The following MAGI2 variants were observed in gnomAD, a reference collection of about 807,000 sequenced individuals.
MAGI2 encodes membrane-associated guanylate kinase, WW and PDZ domain-containing protein 2.
A neutral mutation model predicts 133.3 loss-of-function variants in MAGI2; 35 were observed. The ratio of observed to expected loss-of-function variants is 0.26; its 90% CI spans 0.20 to 0.35. The LOEUF (loss-of-function observed/expected upper bound fraction) is 0.35. Among genes scored for constraint, MAGI2 ranks in the 10% least tolerant of loss-of-function variants. MAGI2 has a pLI of 1.00. For missense variants in MAGI2, 1,636 were observed against 1,863.4 expected, an observed-to-expected ratio of 0.88 and a Z score of 2.25; for synonymous variants, 729 against 710.6, an observed-to-expected ratio of 1.03 and a Z score of -0.41.
chr7:78,503,460 G>A (rs1794794670), intron 4 of MAGI2, among the ~76,000 whole-genome samples: 1 of 151,738 alleles, frequency 6.6e-6, no homozygotes, highest in South Asian at 2.1e-4. Flanking sequence ...CATGGGGAAG[G>A]CTTCCCCCAT....
intron 3 of MAGI2, among the ~76,000 whole-genome samples, chr7:78,538,399 G>A (rs374027966): frequency 9.9e-5 from 15 of 152,282 alleles, no homozygotes; most frequent in African/African-American, 2.4e-4. Context: ...TGCATTGAAT[G>A]TATAGATTGC....
chr7:78,295,368 A>T lies in MAGI2; in HGVS notation c.1409-38787T>A, dbSNP rs533542397. On this transcript the variant is annotated intron_variant, in intron 9 of 21. Transcript: ENST00000354212. ...CTCTGTGCCTCTGTTTTTCTCTTAG[A>T]CTAACAGGAGAATAAACTGTAAATT... Among the ~76,000 whole-genome samples the T allele has an allele frequency of 4.6e-5, 7 of 152,250 alleles. No homozygotes were observed. In the East Asian group the frequency reaches 1.4e-3, roughly 29 times the overall value.
At chr7:78,492,834 T>C (rs150841105) in intron 5 of MAGI2, among the ~76,000 whole-genome samples, 255 of 152,298 alleles carry the variant, frequency 1.7e-3, no homozygotes, top group African/African-American at 5.8e-3. Context: ...CACATACACA[T>C]ACATAGGCTA....
intron 6 of MAGI2, among the ~76,000 whole-genome samples, chr7:78,468,305 A>C (rs1397043464): frequency 6.6e-6 from 1 of 152,142 alleles, no homozygotes; most frequent in Non-Finnish European, 1.5e-5. Flanking sequence ...CAGGGGATGC[A>C]AACTCCAGTG....
At chr7:78,898,381 T>C (rs1039796570) in intron 2 of MAGI2, among the ~76,000 whole-genome samples, 5 of 152,144 alleles carry the variant, frequency 3.3e-5, no homozygotes, top group Admixed American at 6.6e-5. Flanking sequence ...CCACTCACAT[T>C]AGTAAAGACA....
chr7:78,640,156 C>T (rs978046237), intron 2 of MAGI2, among the ~76,000 whole-genome samples: 1 of 152,072 alleles, frequency 6.6e-6, no homozygotes, highest in Non-Finnish European at 1.5e-5. Flanking sequence ...TACTGTATTT[C>T]CTTCCTGATT....
At chr7:78,876,212 A>G (rs184885253) in intron 2 of MAGI2, among the ~76,000 whole-genome samples, 1 of 150,740 alleles carries the variant, frequency 6.6e-6, no homozygotes, top group African/African-American at 2.4e-5. Context: ...AATCCCAGCT[A>G]CTCAGGAGGC....
chr7:78,509,358 C>T (rs1194952527), intron 4 of MAGI2: 1 of 152,130 alleles, frequency 6.6e-6, no homozygotes, highest in Non-Finnish European at 1.5e-5. Flanking sequence ...TACACTTTAA[C>T]TGTTGTGAAG....
intron 3 of MAGI2, 118 bp from the exon 4 acceptor site, chr7:78,521,763 G>C (rs182667834): frequency 1.4e-6 from 1 of 712,888 alleles, no homozygotes; most frequent in Admixed American, 2.5e-5. Context: ...TACATACATA[G>C]ACACATACAT....
intron 1 of MAGI2, among the ~76,000 whole-genome samples, chr7:79,055,118 T>C (rs904687526): frequency 3.9e-5 from 6 of 152,190 alleles, no homozygotes; most frequent in African/African-American, 1.4e-4. Context: ...ATCTTTATGC[T>C]CCAGCTGAAC....
At position 78,717,240 on chromosome 7, in the gene MAGI2, T is replaced by C. The variant is rs182955343; in HGVS notation, c.419-90001A>G. 9.9e-5 allele frequency among the ~76,000 whole-genome samples: 15 copies of C among 151,648 alleles called. No individual in the cohort carries two copies. The East Asian group carries it at 2.9e-3, about 30-fold the overall frequency. Reference sequence around the variant, plus strand: ...CCCTCCTTGTCTTTTTTTCTCCATCTTAACAGTAACATGGAAGTTATACCA... The same window carrying C: ...CCCTCCTTGTCTTTTTTTCTCCATCCTAACAGTAACATGGAAGTTATACCA... On this transcript the variant is annotated intron_variant, in intron 2 of 21. Transcript: ENST00000354212.
intron 2 of MAGI2, among the ~76,000 whole-genome samples, chr7:78,634,851 T>G (rs184237863): frequency 1.3e-5 from 2 of 152,288 alleles, no homozygotes; most frequent in East Asian, 3.9e-4. Flanking sequence ...CTGTTTTGGT[T>G]GGGACTTTCC....
intron 4 of MAGI2, among the ~76,000 whole-genome samples, chr7:78,506,347 T>C (rs1467808005): frequency 6.6e-6 from 1 of 152,056 alleles, no homozygotes; most frequent in African/African-American, 2.4e-5. Context: ...TAGAGGTTCA[T>C]GGAGACGTCA....
At chr7:79,088,987 G>T (rs1356457676) in intron 1 of MAGI2, among the ~76,000 whole-genome samples, 1 of 151,994 alleles carries the variant, frequency 6.6e-6, no homozygotes, top group Non-Finnish European at 1.5e-5. Context: ...TAAAGAAAAA[G>T]AAACTCGCAT....
At chr7:78,662,528 T>C (rs1813081544) in intron 2 of MAGI2, among the ~76,000 whole-genome samples, 2 of 152,242 alleles carry the variant, frequency 1.3e-5, no homozygotes, top group South Asian at 4.1e-4. Flanking sequence ...TTACTTTTAC[T>C]GAATGTATTT....
intron 6 of MAGI2, among the ~76,000 whole-genome samples, chr7:78,386,748 GGAAGACTCTACATGCAAACA>G (rs1398793795): frequency 6.6e-6 from 1 of 152,148 alleles, no homozygotes; most frequent in Non-Finnish European, 1.5e-5. Context: ...CAGCAACTTT[GGAAGACTCTACATGCAAACA>G]CGAAAACTAT....
intron 11 of MAGI2, among the ~76,000 whole-genome samples, chr7:78,200,913 A>G (rs966513345): frequency 1.3e-5 from 2 of 152,166 alleles, no homozygotes; most frequent in Non-Finnish European, 2.9e-5. Context: ...TAGGCTGCAT[A>G]GTGTTAATGT....
At chr7:78,420,077 A>C (rs1798659111) in intron 6 of MAGI2, among the ~76,000 whole-genome samples, 3 of 152,118 alleles carry the variant, frequency 2.0e-5, no homozygotes, top group Admixed American at 1.3e-4. Context: ...CTATAGTTGT[A>C]TGCCACAACG....
chr7:79,148,144 G>A (rs1822830166), intron 1 of MAGI2, among the ~76,000 whole-genome samples: 1 of 152,160 alleles, frequency 6.6e-6, no homozygotes, highest in Admixed American at 6.5e-5. Context: ...TTTCAGAACA[G>A]CTCTTCATGA....
Sources: allele counts gnomAD v4.1 joint callset (sites outside exome capture counted in the v4.1 genomes callset), GRCh38; gene constraint gnomAD v4.1.1; transcripts MANE v1.5; gene names NCBI Gene and HGNC (gene_info 2026-07-23, HGNC 2026-07-21).